The following ZMYM2 variants were observed in gnomAD, a reference collection of about 807,000 sequenced individuals.
ZMYM2 encodes zinc finger MYM-type protein 2.
In ZMYM2, 56 loss-of-function variants were observed where a neutral mutation model predicts 162.8. That is an observed-to-expected ratio of 0.34 (90% CI 0.28 to 0.43). ZMYM2 has a LOEUF of 0.43. ZMYM2 is among the 20% of genes least tolerant of loss of function. The pLI, the probability that ZMYM2 is intolerant of heterozygous loss-of-function variation, is 1.00. For synonymous variants in ZMYM2, 510 were observed against 541.6 expected, an observed-to-expected ratio of 0.94 and a Z score of 0.81; for missense variants, 1,275 against 1,621.8, an observed-to-expected ratio of 0.79 and a Z score of 3.67.
chr13:19,889,365 C>T, the ZMYM2 span, among the ~76,000 whole-genome samples: 1 of 151,966 alleles, frequency 6.6e-6, no homozygotes, highest in East Asian at 1.9e-4. Flanking sequence ...GTCGCCCAGG[C>T]TGGAGCCCAA....
upstream of ZMYM2, among the ~76,000 whole-genome samples, chr13:19,954,122 T>C (rs1443717034): frequency 9.1e-6 from 1 of 109,372 alleles, no homozygotes; most frequent in Non-Finnish European, 2.0e-5. Context: ...TAGTGCTATG[T>C]TTAATTTTTT....
At chr13:19,888,144 G>A in the ZMYM2 span, among the ~76,000 whole-genome samples, 3 of 151,758 alleles carry the variant, frequency 2.0e-5, no homozygotes, top group Non-Finnish European at 2.9e-5. Context: ...CTCCCAAAGT[G>A]CTGGGATTAC....
chr13:19,935,435 C>G, the ZMYM2 span, among the ~76,000 whole-genome samples: 210 of 152,354 alleles, frequency 1.4e-3, no homozygotes, highest in Middle Eastern at 6.8e-3. Context: ...CCACGCACAG[C>G]TGGTGTTTCA....
rs1299612912 is a variant in ZMYM2 at position 20,061,203 on chromosome 13, A to G, written c.2890A>G (p.Thr964Ala). Residue 964 changes from threonine to alanine, a missense_variant, in exon 17 of 25, where the codon ACA (threonine) becomes GCA (alanine). Thr to Ala is a moderately conservative substitution (Grantham distance 58, BLOSUM62 0). Around this residue, in one of 10 missense-constraint regions of ZMYM2, gnomAD observed 229 missense variants for 283.8 expected, o/e 0.81. Coordinates refer to ENST00000610343, the MANE Select transcript of ZMYM2 (RefSeq NM_197968.4). ...TATGATGAGTGAAGACGAGGGGAAA[A>G]CAGAGACAACCAACATCAACAGTGA... ...TDMMSEDEGK[T>A]ETTNINSVII... 1.2e-6 allele frequency: 2 copies of G among 1,613,762 alleles called. No individual in the cohort carries two copies. The highest frequency in any genetic ancestry group is 1.7e-6 in the Non-Finnish European group (2 of 1,179,828).
At chr13:19,962,515 A>ATTTTTT (rs1166788980) in intron 2 of ZMYM2, among the ~76,000 whole-genome samples, 4 of 38,916 alleles carry the variant, frequency 1.0e-4, no homozygotes, top group Non-Finnish European at 1.7e-4. Flanking sequence ...ATATATATAT[A>ATTTTTT]TTTTTTTTTT....
the ZMYM2 span, among the ~76,000 whole-genome samples, chr13:19,931,138 C>CAA: frequency 7.5e-3 from 955 of 127,512 alleles, 22 homozygotes; most frequent in African/African-American, 0.029. Flanking sequence ...GACTCTCTCT[C>CAA]AAAAAAAAAA....
At chr13:19,900,810 G>C in the ZMYM2 span, among the ~76,000 whole-genome samples, 1 of 152,094 alleles carries the variant, frequency 6.6e-6, no homozygotes. Flanking sequence ...GAGGCGGGCA[G>C]ATCACGAGGT....
the ZMYM2 span, among the ~76,000 whole-genome samples, chr13:19,884,110 C>T: frequency 6.6e-6 from 1 of 152,178 alleles, no homozygotes; most frequent in African/African-American, 2.4e-5. Context: ...CTGGCACAAG[C>T]CTGTAATCCT....
the ZMYM2 span, among the ~76,000 whole-genome samples, chr13:19,865,207 G>GT: frequency 6.7e-6 from 1 of 148,718 alleles, no homozygotes; most frequent in African/African-American, 2.6e-5. Context: ...TACGCTAACA[G>GT]TAACAATAGC....
chr13:19,985,038 T>C (rs1207140205), intron 2 of ZMYM2, among the ~76,000 whole-genome samples: 1 of 152,248 alleles, frequency 6.6e-6, no homozygotes, highest in Non-Finnish European at 1.5e-5. Flanking sequence ...TGGGCTGAGC[T>C]GTTATCTCAT....
In ZMYM2 at chr13:20,042,484, G is replaced by A. The variant is rs555747845; in HGVS notation, c.2292+5575G>A. On this transcript the variant is annotated intron_variant, in intron 12 of 24. Transcript: ENST00000610343. ...ACCTTGTTCCTTGGATTGAGTTTCAGTGTGCTCCTGCTTCTCAGTGATCTT... is the reference window on the plus strand; with the variant it reads ...ACCTTGTTCCTTGGATTGAGTTTCAATGTGCTCCTGCTTCTCAGTGATCTT... Among the ~76,000 whole-genome samples, 7 of 152,192 alleles carry A rather than the reference G, an allele frequency of 4.6e-5. No individual in the cohort carries two copies. The South Asian group carries it at 1.4e-3, about 32-fold the overall frequency.
intron 21 of ZMYM2, among the ~76,000 whole-genome samples, chr13:20,079,119 G>C (rs1361424135): frequency 6.6e-6 from 1 of 151,506 alleles, no homozygotes; most frequent in African/African-American, 2.4e-5. Context: ...AAGAGATGGA[G>C]ACCATCCTGG....
chr13:20,047,569 C>G (rs570076905), intron 12 of ZMYM2, among the ~76,000 whole-genome samples: 86 of 152,232 alleles, frequency 5.6e-4, no homozygotes, highest in South Asian at 3.7e-3. Flanking sequence ...AATGGTAGTA[C>G]ACACACATTG....
intron 2 of ZMYM2, among the ~76,000 whole-genome samples, chr13:19,979,498 T>G (rs1957120334): frequency 6.6e-6 from 1 of 151,268 alleles, no homozygotes; most frequent in African/African-American, 2.4e-5. Flanking sequence ...TTCCATTATC[T>G]GTGTGGTGAG....
intron 2 of ZMYM2, among the ~76,000 whole-genome samples, chr13:19,992,188 G>A (rs1361187988): frequency 1.5e-5 from 1 of 67,888 alleles, no homozygotes; most frequent in African/African-American, 2.7e-5. Flanking sequence ...GGTCAAAAAA[G>A]ATTAAAATTT....
At chr13:20,057,451 CTT>C (rs1369307269) in intron 14 of ZMYM2, among the ~76,000 whole-genome samples, 2 of 151,894 alleles carry the variant, frequency 1.3e-5, no homozygotes, top group Non-Finnish European at 1.5e-5. Context: ...TTTTGTAAAA[CTT>C]TGCTTAATTT....
the ZMYM2 span, among the ~76,000 whole-genome samples, chr13:19,918,567 T>G: frequency 8.1e-5 from 12 of 147,432 alleles, no homozygotes; most frequent in East Asian, 2.0e-3. Flanking sequence ...GGCATGATCT[T>G]GGCTCACTGC....
chr13:19,970,404 TAAAA>T (rs1239960373), intron 2 of ZMYM2, among the ~76,000 whole-genome samples: 1 of 151,842 alleles, frequency 6.6e-6, no homozygotes, highest in African/African-American at 2.4e-5. Context: ...AATATAGAAG[TAAAA>T]AAAATTAGGA....
chr13:19,876,075 G>A, the ZMYM2 span, among the ~76,000 whole-genome samples: 2 of 150,484 alleles, frequency 1.3e-5, no homozygotes, highest in African/African-American at 4.9e-5. Flanking sequence ...CACCCAGGCT[G>A]GAGTGCAATG....
Sources: gnomAD v4.1 joint callset for allele counts (sites outside exome capture counted in the v4.1 genomes callset) on GRCh38, gnomAD v4.1.1 for gene constraint, gnomAD v4.1.1 regional missense constraint, MANE v1.5 for transcripts, NCBI Gene and HGNC (gene_info 2026-07-23, HGNC 2026-07-21) for gene names.